Variants in ALPK1 observed in about 807,000 individuals in gnomAD.
ALPK1 encodes alpha-protein kinase 1.
In ALPK1, 110 loss-of-function variants were observed where a neutral mutation model predicts 120.6. The ratio of observed to expected loss-of-function variants is 0.91; its 90% CI spans 0.78 to 1.07. ALPK1 has a LOEUF of 1.07. Among genes scored for constraint, ALPK1 ranks in the 50% least tolerant of loss-of-function variants. ALPK1 has a pLI of 0.00. For missense variants in ALPK1, 1,498 were observed against 1,483.9 expected (o/e 1.01, Z -0.16); for synonymous variants, 582 against 560.3 (o/e 1.04, Z -0.55).
chr4:112,349,723 G>A (rs1730265053), intron 2 of ALPK1, among the ~76,000 whole-genome samples: 1 of 151,908 alleles, frequency 6.6e-6, no homozygotes, highest in African/African-American at 2.4e-5. Flanking sequence ...CTGGCTAATA[G>A]TTTGTATTTT....
intron 2 of ALPK1, chr4:112,358,433 C>T (rs1415091816): frequency 6.2e-6 from 4 of 649,500 alleles, no homozygotes; most frequent in East Asian, 5.2e-5. Flanking sequence ...GTCAACTGGC[C>T]CCCTCCTCTC....
intron 2 of ALPK1, among the ~76,000 whole-genome samples, chr4:112,319,590 G>C (rs578237510): frequency 1.1e-4 from 16 of 152,220 alleles, no homozygotes; most frequent in Non-Finnish European, 2.1e-4. Flanking sequence ...AATGATGGTG[G>C]TACCTTGATG....
At chr4:112,357,709 A>G (rs1730706821) in intron 2 of ALPK1, 3 of 1,559,612 alleles carry the variant, frequency 1.9e-6, no homozygotes, top group South Asian at 1.1e-5. Context: ...CGCGTTTGAC[A>G]GACGGTTTTC....
At chr4:112,412,606 TG>T (rs1733537979) in intron 5 of ALPK1, among the ~76,000 whole-genome samples, 1 of 129,168 alleles carries the variant, frequency 7.7e-6, no homozygotes, top group South Asian at 2.5e-4. Context: ...GGAAGAGGGC[TG>T]GGGGGAGGGG....
intron 4 of ALPK1, among the ~76,000 whole-genome samples, chr4:112,396,423 C>T (rs965867051): frequency 3.3e-5 from 5 of 152,112 alleles, no homozygotes; most frequent in Non-Finnish European, 7.3e-5. Flanking sequence ...CAATACAGCT[C>T]GTATAGCAAA....
intron 2 of ALPK1, chr4:112,357,817 G>T: frequency 9.7e-7 from 1 of 1,035,068 alleles, no homozygotes. Flanking sequence ...TCCCATCATG[G>T]AAAAGAGCCT....
chr4:112,366,293 CTG>C (rs1731147363), intron 2 of ALPK1, among the ~76,000 whole-genome samples: 2 of 151,932 alleles, frequency 1.3e-5, no homozygotes, highest in African/African-American at 4.8e-5. Context: ...TCTTCTCAAT[CTG>C]TACATCCAAC....
chr4:112,400,031 C>T (rs1484930887), intron 4 of ALPK1, among the ~76,000 whole-genome samples: 1 of 152,142 alleles, frequency 6.6e-6, no homozygotes, highest in African/African-American at 2.4e-5. Flanking sequence ...CAAGTCTTTG[C>T]TATTGTAAAT....
At chr4:112,358,285 C>T (rs1452340560) in intron 2 of ALPK1, 2 of 597,712 alleles carry the variant, frequency 3.3e-6, no homozygotes, top group Non-Finnish European at 6.3e-6. Flanking sequence ...GTCCCTACGT[C>T]AGGGTGTACA....
intron 4 of ALPK1, among the ~76,000 whole-genome samples, chr4:112,398,611 A>G (rs1282342156): frequency 6.6e-6 from 1 of 152,094 alleles, no homozygotes; most frequent in Non-Finnish European, 1.5e-5. Context: ...CCTAAATTTT[A>G]TTTTAAATGT....
chr4:112,400,011 G>T (rs1008070302), intron 4 of ALPK1, among the ~76,000 whole-genome samples: 2 of 152,102 alleles, frequency 1.3e-5, no homozygotes, highest in Admixed American at 1.3e-4. Context: ...ATGGGTATTT[G>T]GGTTGGTTCC....
chr4:112,333,016 C>A (rs1729453032), intron 2 of ALPK1, among the ~76,000 whole-genome samples: 1 of 152,168 alleles, frequency 6.6e-6, no homozygotes. Flanking sequence ...GGTCTATGAA[C>A]CAACTCAGTT....
chr4:112,316,056 A>G (rs887657898), intron 2 of ALPK1: 1 of 152,264 alleles, frequency 6.6e-6, no homozygotes, highest in African/African-American at 2.4e-5. Flanking sequence ...TATAAAATGT[A>G]CCATCTGAAC....
At chr4:112,401,916 C>T (rs1732932267) in intron 4 of ALPK1, among the ~76,000 whole-genome samples, 1 of 152,180 alleles carries the variant, frequency 6.6e-6, no homozygotes, top group South Asian at 2.1e-4. Flanking sequence ...GAAATGTTTA[C>T]AGGCCCTGGG....
At chr4:112,351,524 A>T (rs1307076170) in intron 2 of ALPK1, among the ~76,000 whole-genome samples, 1 of 151,100 alleles carries the variant, frequency 6.6e-6, no homozygotes, top group Non-Finnish European at 1.5e-5. Flanking sequence ...CCCAGGCTGG[A>T]GTGCAGTGGC....
intron 2 of ALPK1, among the ~76,000 whole-genome samples, chr4:112,338,337 T>C (rs1414366135): frequency 1.3e-5 from 2 of 152,240 alleles, no homozygotes; most frequent in Non-Finnish European, 2.9e-5. Context: ...GAGTAAAATA[T>C]CTTGAATAAT....
At chr4:112,335,116 C>T (rs1052216238) in intron 2 of ALPK1, among the ~76,000 whole-genome samples, 1 of 152,020 alleles carries the variant, frequency 6.6e-6, no homozygotes, top group Non-Finnish European at 1.5e-5. Flanking sequence ...ACTAGCCAGG[C>T]GTGGTGGCAC....
chr4:112,364,308 A>C (rs1037186846), intron 2 of ALPK1, among the ~76,000 whole-genome samples: 2 of 151,838 alleles, frequency 1.3e-5, no homozygotes, highest in African/African-American at 4.8e-5. Flanking sequence ...AAACCGTTAG[A>C]CCATTAGTGA....
chr4:112,440,800 A>T, intron 14 of ALPK1, 117 bp from the exon 15 acceptor site: 1 of 1,340,926 alleles, frequency 7.5e-7, no homozygotes, highest in Non-Finnish European at 9.6e-7. Context: ...AAGTTTTTGA[A>T]TTATCTCTTT....
Sources: allele counts gnomAD v4.1 joint callset (sites outside exome capture counted in the v4.1 genomes callset), GRCh38; gene constraint gnomAD v4.1.1; transcripts MANE v1.5; gene names NCBI Gene and HGNC (gene_info 2026-07-23, HGNC 2026-07-21).